Variants in TUSC3 observed in about 807,000 individuals in gnomAD.
TUSC3 encodes the protein tumor suppressor candidate 3.
TUSC3 carries 45 observed loss-of-function variants against 44.8 expected under a neutral mutation model. That is an observed-to-expected ratio of 1.00 (90% confidence interval 0.79 to 1.29). The LOEUF (loss-of-function observed/expected upper bound fraction) is 1.29. Ranked by LOEUF, TUSC3 falls within the 50% of genes most tolerant of loss-of-function variation. The pLI, the probability that TUSC3 is intolerant of heterozygous loss-of-function variation, is 0.00. For synonymous variants in TUSC3, 212 were observed against 152.9 expected (o/e 1.39, Z -2.85); for missense variants, 519 against 437.9 (o/e 1.19, Z -1.65).
intron 6 of TUSC3, among the ~76,000 whole-genome samples, chr8:15,716,749 T>A (rs1159594988): frequency 6.6e-6 from 1 of 152,150 alleles, no homozygotes; most frequent in African/African-American, 2.4e-5. Flanking sequence ...TCAGTGTAAA[T>A]ACGAAATGAG....
At chr8:15,685,857 G>A (rs1199991150) in intron 6 of TUSC3, among the ~76,000 whole-genome samples, 1 of 133,404 alleles carries the variant, frequency 7.5e-6, no homozygotes, top group Non-Finnish European at 1.7e-5. Context: ...TTAGTTCTTA[G>A]GTTTTTTTTT....
At chr8:15,520,432 C>G (rs539527772) in intron 2 of TUSC3, among the ~76,000 whole-genome samples, 3 of 152,292 alleles carry the variant, frequency 2.0e-5, no homozygotes, top group Non-Finnish European at 2.9e-5. Flanking sequence ...ACGCAAACAG[C>G]TTAGTCCAGG....
intron 2 of TUSC3, among the ~76,000 whole-genome samples, chr8:15,506,728 A>G (rs1399347845): frequency 6.6e-6 from 1 of 152,176 alleles, no homozygotes; most frequent in Non-Finnish European, 1.5e-5. Flanking sequence ...CCCATGATTC[A>G]GTTACCTCCC....
At chr8:15,535,639 C>G (rs956317675), upstream of TUSC3, among the ~76,000 whole-genome samples, 1 of 152,164 alleles carries the variant, frequency 6.6e-6, no homozygotes, top group Admixed American at 6.5e-5. Context: ...AAGCGCTATT[C>G]TAGACAGTAT....
Position 15,765,463 on chromosome 8 carries a change from G to C in TUSC3, c.*1307G>C, listed in dbSNP as rs968243692. Reference sequence around the variant, plus strand: ...GTTCCAGCTATATAGCCTCAAACAAGAAACGGGTGTACAACCATTGAGTTT... The same window carrying C: ...GTTCCAGCTATATAGCCTCAAACAACAAACGGGTGTACAACCATTGAGTTT... On this transcript the variant is annotated 3_prime_UTR_variant, in exon 11 of 11. Transcript: ENST00000503731. 2 of 151,934 alleles carry C rather than the reference G, an allele frequency of 1.3e-5. No homozygotes were observed. Among genetic ancestry groups the C allele is most frequent in the African/African-American group, 4.8e-5 (2 of 41,424 alleles). 9.4% of individuals were successfully genotyped at this position (151,934 alleles called of 1,614,324 possible). A position where few individuals can be genotyped will look rare whatever the true frequency, so the allele number is the denominator to read the frequency against.
At chr8:15,511,028 C>T (rs1289013068) in intron 2 of TUSC3, among the ~76,000 whole-genome samples, 3 of 152,064 alleles carry the variant, frequency 2.0e-5, no homozygotes, top group South Asian at 2.1e-4. Context: ...AGATCCACTG[C>T]GGATAAAACA....
chr8:15,712,208 TTATC>T (rs1163421853), intron 6 of TUSC3, among the ~76,000 whole-genome samples: 1 of 152,008 alleles, frequency 6.6e-6, no homozygotes, highest in Non-Finnish European at 1.5e-5. Context: ...CTTTTAAAGA[TTATC>T]TAATTCATTC....
the TUSC3 span, among the ~76,000 whole-genome samples, chr8:15,832,874 C>T: frequency 6.6e-6 from 1 of 152,156 alleles, no homozygotes; most frequent in Non-Finnish European, 1.5e-5. Context: ...GATAGATCAT[C>T]AAACCAAAAA....
intron 2 of TUSC3, among the ~76,000 whole-genome samples, chr8:15,524,189 A>G (rs1801342714): frequency 6.6e-6 from 1 of 152,024 alleles, no homozygotes; most frequent in African/African-American, 2.4e-5. Context: ...CATACTGCAT[A>G]TTTTGTTGTG....
chr8:15,730,119 G>A (rs1472841745), intron 6 of TUSC3, among the ~76,000 whole-genome samples: 1 of 152,088 alleles, frequency 6.6e-6, no homozygotes, highest in Non-Finnish European at 1.5e-5. Flanking sequence ...ATGGAGATTT[G>A]TGTTGGATTT....
chr8:15,829,990 G>T, the TUSC3 span, among the ~76,000 whole-genome samples: 1 of 151,984 alleles, frequency 6.6e-6, no homozygotes, highest in Non-Finnish European at 1.5e-5. Context: ...TAGCCATTCT[G>T]GCTGGTGTGA....
rs769051833 is a variant in TUSC3, at chr8:15,531,517, GC to G, written n.189+48035del. Among the ~76,000 whole-genome samples, 29 of 152,320 alleles carry G rather than the reference GC, an allele frequency of 1.9e-4. No homozygotes were observed. The East Asian group carries it at 5.2e-3, about 27-fold the overall frequency. ...TCCACCTGCCTCGGCCTCCCAAAGT[GC>G]TGGGATTACAGGCGTGAGCCTCTGT... is the stretch of plus-strand genomic sequence containing the variant. On this transcript the variant is annotated intron_variant and non_coding_transcript_variant, in intron 2 of 5. Coordinates refer to the TUSC3 transcript ENST00000503191.
rs532167670 is a variant in TUSC3 at position 15,606,577 on chromosome 8, C to T, written c.139-16503C>T. Among the ~76,000 whole-genome samples, 3 of 152,136 alleles carry T rather than the reference C, an allele frequency of 2.0e-5. No individual in the cohort carries two copies. In the South Asian group the frequency reaches 6.2e-4, roughly 32 times the overall value. ...ATTGTGGATATTCTTGTAGGTAAGTCTGTTTCATCTTGTTAAATAACTATA... is the reference window on the plus strand; with the variant it reads ...ATTGTGGATATTCTTGTAGGTAAGTTTGTTTCATCTTGTTAAATAACTATA... On this transcript the variant is annotated intron_variant, in intron 1 of 10. Transcript: ENST00000503731.
At chr8:15,739,184 C>G (rs4831766) in intron 7 of TUSC3, among the ~76,000 whole-genome samples, 2 of 151,792 alleles carry the variant, frequency 1.3e-5, no homozygotes, top group Non-Finnish European at 2.9e-5. Flanking sequence ...GGCTAGTTAA[C>G]CTGTCACAAA....
chr8:15,540,540 A>G lies in TUSC3; in HGVS notation c.110A>G (p.Gln37Arg). Residue 37 changes from glutamine to arginine, a missense_variant, in exon 1 of 11, where the codon CAG becomes CGG. Transcript: ENST00000503731. ...FLLLLLLLCI[Q>R]LGGGQKKKEN... is the part of the protein sequence containing the mutation. ...CTCCTGCTGCTGCTGCTCTGCATCC[A>G]GCTCGGGGGAGGACAGAAGAAAAAG... 1.3e-6 allele frequency: 2 copies of G among 1,599,686 alleles called. No homozygotes were observed. Among genetic ancestry groups the G allele is most frequent in the Non-Finnish European group, 8.5e-7 (1 of 1,173,866 alleles).
intron 6 of TUSC3, among the ~76,000 whole-genome samples, chr8:15,699,671 G>T (rs976050112): frequency 6.6e-6 from 1 of 152,158 alleles, no homozygotes; most frequent in Non-Finnish European, 1.5e-5. Context: ...GAAAGATGAG[G>T]AAGTTGTATA....
rs556973328 is a variant in TUSC3 at position 15,656,453 on chromosome 8, C to T, written c.427-3054C>T. Reference sequence around the variant, plus strand: ...TAGGCAAGAAAAGAAAAAGGGGTAACTGGCTCCAAGTAAGTCCAAAAACTG... The same window carrying T: ...TAGGCAAGAAAAGAAAAAGGGGTAATTGGCTCCAAGTAAGTCCAAAAACTG... On this transcript the variant is annotated intron_variant, in intron 3 of 10. Coordinates refer to ENST00000503731, the MANE Select transcript of TUSC3 (RefSeq NM_006765.4). Among the ~76,000 whole-genome samples, 279 of 152,210 alleles carry T rather than the reference C, an allele frequency of 1.8e-3. 2 individuals carry two copies. The highest frequency in any genetic ancestry group is 2.4e-3 in the Non-Finnish European group (160 of 68,020).
At position 15,650,905 on chromosome 8, in the gene TUSC3, G is replaced by C; in HGVS notation, c.426+91G>C. 4 of 1,377,318 alleles carry C rather than the reference G, an allele frequency of 2.9e-6. 1 individual carries two copies. The Admixed American group carries it at 6.8e-5, about 23-fold the overall frequency. The allele number at this position is 1,377,318 out of a possible 1,614,324, so 85.3% of individuals were successfully genotyped here. On this transcript the variant is annotated intron_variant, in intron 3 of 10. Transcript: ENST00000503731. ...CACATAAAAATACAATTCATTCATC[G>C]TCTGAACCTGGGAGGCGGAGGTTGC...
chr8:15,568,443 C>G (rs1038768235), intron 1 of TUSC3, among the ~76,000 whole-genome samples: 2 of 152,016 alleles, frequency 1.3e-5, no homozygotes, highest in African/African-American at 4.8e-5. Context: ...TATCTTCATA[C>G]CTTATTACTA....
Sources: allele counts gnomAD v4.1 joint callset (sites outside exome capture counted in the v4.1 genomes callset), GRCh38; gene constraint gnomAD v4.1.1; transcripts MANE v1.5; gene names NCBI Gene and HGNC (gene_info 2026-07-23, HGNC 2026-07-21).